Variants in GALNT17 observed in about 807,000 individuals in gnomAD.
GALNT17 encodes the protein polypeptide N-acetylgalactosaminyltransferase 17.
In GALNT17, 29 loss-of-function variants were observed where a neutral mutation model predicts 63.7. The observed-to-expected ratio is 0.46, with a 90% CI of 0.34 to 0.62. GALNT17 has a LOEUF of 0.62. Ranked by LOEUF, GALNT17 falls within the 20% of genes least tolerant of loss-of-function variation. GALNT17 has a pLI of 0.01. For missense variants in GALNT17, 603 were observed against 799.6 expected (o/e 0.75, Z 2.97); for synonymous variants, 305 against 318.3 (o/e 0.96, Z 0.45).
At chr7:71,556,158 C>T (rs768316330) in intron 5 of GALNT17, among the ~76,000 whole-genome samples, 12 of 152,204 alleles carry the variant, frequency 7.9e-5, no homozygotes, top group South Asian at 2.1e-4. Context: ...CCCTTAAATA[C>T]GCAAGGCCAT....
intron 3 of GALNT17, among the ~76,000 whole-genome samples, chr7:71,390,626 C>T (rs1430283318): frequency 6.6e-6 from 1 of 152,150 alleles, no homozygotes; most frequent in Non-Finnish European, 1.5e-5. Flanking sequence ...TTTCTCTGCA[C>T]CTACCACAGA....
At chr7:71,356,787 T>C (rs1186823437) in intron 2 of GALNT17, among the ~76,000 whole-genome samples, 1 of 151,980 alleles carries the variant, frequency 6.6e-6, no homozygotes, top group Non-Finnish European at 1.5e-5. Flanking sequence ...AGTGAGCATA[T>C]ATATATATTT....
At chr7:71,259,891 T>C (rs1383218643) in intron 1 of GALNT17, among the ~76,000 whole-genome samples, 2 of 151,986 alleles carry the variant, frequency 1.3e-5, no homozygotes, top group Non-Finnish European at 2.9e-5. Flanking sequence ...TCCACCCGCC[T>C]CGGCCTCCCA....
chr7:71,462,832 G>A (rs756467154), intron 5 of GALNT17, among the ~76,000 whole-genome samples: 4 of 152,190 alleles, frequency 2.6e-5, no homozygotes, highest in African/African-American at 4.8e-5. Flanking sequence ...CAGGTTTGCC[G>A]CAAGCAGTTT....
At chr7:71,486,900 G>T (rs1032193284) in intron 5 of GALNT17, among the ~76,000 whole-genome samples, 3 of 151,724 alleles carry the variant, frequency 2.0e-5, no homozygotes, top group Non-Finnish European at 2.9e-5. Flanking sequence ...TCTTGCTCCT[G>T]CTGGTGGATT....
At chr7:71,602,546 T>C (rs956798826) in intron 6 of GALNT17, among the ~76,000 whole-genome samples, 8 of 152,210 alleles carry the variant, frequency 5.3e-5, no homozygotes, top group African/African-American at 1.9e-4. Context: ...CGTGTTACTG[T>C]CTCTAAGATT....
At position 71,133,085 on chromosome 7, in the gene GALNT17, C is replaced by T. The variant is rs6976062; in HGVS notation, c.238+45C>T. On this transcript the variant is annotated intron_variant, in intron 1 of 10. Coordinates refer to ENST00000333538, the MANE Select transcript of GALNT17 (RefSeq NM_022479.3). Reference sequence around the variant, plus strand: ...CCTCCGGGGCTCGACGCGGGCGGGCCGGGCACAGGGTGAGCCCCAGGGTCC... The same window carrying T: ...CCTCCGGGGCTCGACGCGGGCGGGCTGGGCACAGGGTGAGCCCCAGGGTCC... 55 of 1,463,940 alleles carry T rather than the reference C, an allele frequency of 3.8e-5. No individual in the cohort carries two copies. The African/African-American group carries it at 7.2e-4, about 19-fold the overall frequency. 90.7% of individuals were successfully genotyped at this position (1,463,940 alleles called of 1,614,324 possible).
chr7:71,615,299 T>C (rs1478075580), intron 6 of GALNT17, among the ~76,000 whole-genome samples: 1 of 152,054 alleles, frequency 6.6e-6, no homozygotes, highest in Non-Finnish European at 1.5e-5. Flanking sequence ...CCTGCTGTGC[T>C]CCCCTTGTCC....
intron 2 of GALNT17, among the ~76,000 whole-genome samples, chr7:71,348,914 C>A (rs1012827833): frequency 2.6e-5 from 4 of 152,200 alleles, no homozygotes; most frequent in African/African-American, 9.7e-5. Context: ...TTAAAACCAA[C>A]CCATCCTAAA....
At chr7:71,426,830 G>C (rs1169159998) in intron 5 of GALNT17, among the ~76,000 whole-genome samples, 1 of 151,800 alleles carries the variant, frequency 6.6e-6, no homozygotes, top group African/African-American at 2.4e-5. Flanking sequence ...TGAGGCAGGA[G>C]AATCACCTGA....
intron 6 of GALNT17, among the ~76,000 whole-genome samples, chr7:71,592,697 T>C (rs1304917885): frequency 6.6e-6 from 1 of 152,174 alleles, no homozygotes; most frequent in Non-Finnish European, 1.5e-5. Flanking sequence ...TGACATCTCT[T>C]TATGATTTTC....
At chr7:71,679,889 C>A (rs1791214183) in intron 9 of GALNT17, among the ~76,000 whole-genome samples, 1 of 91,692 alleles carries the variant, frequency 1.1e-5, no homozygotes, top group Non-Finnish European at 2.3e-5. Context: ...TTTCTTTTTC[C>A]CTCCCTCCCT....
At chr7:71,416,413 A>G (rs901921396) in intron 4 of GALNT17, among the ~76,000 whole-genome samples, 28 of 152,148 alleles carry the variant, frequency 1.8e-4, no homozygotes, top group African/African-American at 6.5e-4. Flanking sequence ...GGAGTTTGAG[A>G]CCAGCCTGGG....
chr7:71,649,722 T>C (rs910066714), intron 6 of GALNT17, among the ~76,000 whole-genome samples: 3 of 152,058 alleles, frequency 2.0e-5, no homozygotes, highest in African/African-American at 7.2e-5. Context: ...AGGGAGCAGG[T>C]AGTCAGTGTG....
At chr7:71,276,850 T>A (rs1398133874) in intron 1 of GALNT17, among the ~76,000 whole-genome samples, 2 of 151,892 alleles carry the variant, frequency 1.3e-5, no homozygotes, top group African/African-American at 4.8e-5. Context: ...ATATAAAAAT[T>A]AAGCAGGCAT....
intron 2 of GALNT17, among the ~76,000 whole-genome samples, chr7:71,366,654 T>A (rs1295006955): frequency 6.6e-6 from 1 of 152,206 alleles, no homozygotes; most frequent in African/African-American, 2.4e-5. Context: ...AGGTGACTAC[T>A]GTTGGCTGTT....
intron 1 of GALNT17, among the ~76,000 whole-genome samples, chr7:71,327,392 A>G (rs1027300095): frequency 2.6e-5 from 4 of 152,346 alleles, no homozygotes; most frequent in African/African-American, 9.6e-5. Context: ...CCCCTTACAA[A>G]ACCATCAGCT....
At chr7:71,273,858 A>T (rs62457834) in intron 1 of GALNT17, among the ~76,000 whole-genome samples, 26,702 of 115,484 alleles carry the variant, frequency 0.23, 2,554 homozygotes, top group African/African-American at 0.28. Context: ...TGTGTGTGAG[A>T]GAGAGAGAGA....
chr7:71,389,142 T>A (rs371044531), intron 3 of GALNT17, among the ~76,000 whole-genome samples: 1 of 149,976 alleles, frequency 6.7e-6, no homozygotes, highest in Non-Finnish European at 1.5e-5. Flanking sequence ...CCCCTGCCCT[T>A]TTTTTTTTTG....
Sources: allele counts gnomAD v4.1 joint callset (sites outside exome capture counted in the v4.1 genomes callset), GRCh38; gene constraint gnomAD v4.1.1; transcripts MANE v1.5; gene names NCBI Gene and HGNC (gene_info 2026-07-23, HGNC 2026-07-21).